DNM3: variants seen among roughly 807,000 people sequenced by gnomAD.
DNM3 encodes the protein dynamin 3, also known as dynamin-3.
In DNM3, 47 loss-of-function variants were observed where a neutral mutation model predicts 101.6. The observed-to-expected ratio is 0.46, with a 90% confidence interval of 0.37 to 0.59. The LOEUF (loss-of-function observed/expected upper bound fraction) is 0.59. Among genes scored for constraint, DNM3 ranks in the 20% least tolerant of loss-of-function variants. DNM3 has a pLI of 0.00. For missense variants in DNM3, 849 were observed against 1,085.7 expected (o/e 0.78, Z 3.06); for synonymous variants, 385 against 387.9 (o/e 0.99, Z 0.09).
At chr1:171,850,917 A>C (rs746548622) in intron 1 of DNM3, among the ~76,000 whole-genome samples, 7 of 152,174 alleles carry the variant, frequency 4.6e-5, no homozygotes, top group Non-Finnish European at 8.8e-5. Context: ...CGAAGAGAAA[A>C]GACTGGTAAG....
downstream of DNM3, among the ~76,000 whole-genome samples, chr1:172,413,648 C>T (rs1451021805): frequency 6.6e-6 from 1 of 152,178 alleles, no homozygotes; most frequent in East Asian, 1.9e-4. Flanking sequence ...GATGACAAGT[C>T]CCTTATCAAT....
chr1:172,227,297 T>TATATATATATATATATAC (rs1189178322), intron 14 of DNM3, among the ~76,000 whole-genome samples: 1 of 123,532 alleles, frequency 8.1e-6, no homozygotes, highest in Non-Finnish European at 1.8e-5. Flanking sequence ...TATATATATA[T>TATATATATATATATATAC]ATATATATCA....
intron 4 of DNM3, among the ~76,000 whole-genome samples, chr1:172,007,536 C>T (rs556382876): frequency 6.6e-6 from 1 of 152,044 alleles, no homozygotes; most frequent in African/African-American, 2.4e-5. Flanking sequence ...TGATACAAAT[C>T]TTTCATTATA....
rs557403919 is a variant in DNM3 at position 172,148,751 on chromosome 1, T to C, written c.1659+17463T>C. 2.0e-5 allele frequency among the ~76,000 whole-genome samples: 3 copies of C among 152,266 alleles called. No individual in the cohort carries two copies. The East Asian group carries it at 5.8e-4, about 29-fold the overall frequency. ...ATTAGAGAAGATAGCCCCACTTAGT[T>C]TGGCTTTATGTTGTGTAGATTAGCA... is the stretch of plus-strand genomic sequence containing the variant. On this transcript the variant is annotated intron_variant, in intron 14 of 20. Transcript: ENST00000627582.
rs2058342850 is a variant in DNM3 at position 172,156,448 on chromosome 1, A to G, written c.1659+25160A>G. Among the ~76,000 whole-genome samples, 4 of 152,186 alleles carry G rather than the reference A, an allele frequency of 2.6e-5. No individual in the cohort carries two copies. The South Asian group carries it at 8.3e-4, about 32-fold the overall frequency. Reference sequence around the variant, plus strand: ...GTAATCTTCTTAGTTTTGAGTACCTAGACTTAGTATAGATTTATTTCATGT... The same window carrying G: ...GTAATCTTCTTAGTTTTGAGTACCTGGACTTAGTATAGATTTATTTCATGT... On this transcript the variant is annotated intron_variant, in intron 14 of 20. Transcript: ENST00000627582.
At chr1:172,125,478 A>T (rs1209337599) in intron 13 of DNM3, among the ~76,000 whole-genome samples, 1 of 152,166 alleles carries the variant, frequency 6.6e-6, no homozygotes, top group Non-Finnish European at 1.5e-5. Context: ...TTCTCATAGC[A>T]TGGAGGAAAC....
At chr1:172,282,859 G>A (rs1374256526) in intron 15 of DNM3, among the ~76,000 whole-genome samples, 1 of 152,214 alleles carries the variant, frequency 6.6e-6, no homozygotes. Flanking sequence ...GAAAAGTACA[G>A]TCCTTCAGTT....
intron 4 of DNM3, among the ~76,000 whole-genome samples, chr1:172,013,339 A>G (rs1278126521): frequency 6.6e-6 from 1 of 152,128 alleles, no homozygotes. Context: ...GAATGGTATC[A>G]TATATCTTCT....
intron 14 of DNM3, among the ~76,000 whole-genome samples, chr1:172,224,555 C>T (rs2148578950): frequency 6.6e-6 from 1 of 152,100 alleles, no homozygotes; most frequent in South Asian, 2.1e-4. Flanking sequence ...ATCAACTTGC[C>T]ACATGTTAGC....
At chr1:172,119,717 A>G (rs2056178127) in intron 13 of DNM3, among the ~76,000 whole-genome samples, 1 of 152,286 alleles carries the variant, frequency 6.6e-6, no homozygotes, top group African/African-American at 2.4e-5. Flanking sequence ...ACATGTTCAC[A>G]TCTTGACATG....
intron 11 of DNM3, among the ~76,000 whole-genome samples, chr1:172,080,592 A>G (rs2053059108): frequency 6.6e-6 from 1 of 152,136 alleles, no homozygotes; most frequent in Non-Finnish European, 1.5e-5. Flanking sequence ...GACCTAGACC[A>G]CTTGGCTCCC....
intron 14 of DNM3, among the ~76,000 whole-genome samples, chr1:172,185,374 G>A (rs1247987073): frequency 6.6e-6 from 1 of 152,082 alleles, no homozygotes; most frequent in Non-Finnish European, 1.5e-5. Context: ...CAAGACAAAG[G>A]GAAGTGAAAC....
intron 14 of DNM3, among the ~76,000 whole-genome samples, chr1:172,240,042 T>A (rs1220475463): frequency 6.6e-6 from 1 of 152,026 alleles, no homozygotes; most frequent in Non-Finnish European, 1.5e-5. Flanking sequence ...CCCTTTTCCC[T>A]ATTCTATCCC....
chr1:171,873,643 C>T (rs1387254714), intron 1 of DNM3, among the ~76,000 whole-genome samples: 1 of 152,106 alleles, frequency 6.6e-6, no homozygotes, highest in Non-Finnish European at 1.5e-5. Flanking sequence ...TGTCTCATCT[C>T]CTCAGTCAAG....
At chr1:172,207,330 G>A (rs938199355) in intron 14 of DNM3, among the ~76,000 whole-genome samples, 3 of 152,058 alleles carry the variant, frequency 2.0e-5, no homozygotes, top group Non-Finnish European at 4.4e-5. Flanking sequence ...GTATTCTTTA[G>A]TCCAAACCTT....
At position 172,167,332 on chromosome 1, in the gene DNM3, G is replaced by T. The variant is rs553289704; in HGVS notation, c.1659+36044G>T. Among the ~76,000 whole-genome samples, 141 of 152,092 alleles carry T rather than the reference G, an allele frequency of 9.3e-4. 1 individual carries two copies. The highest frequency in any genetic ancestry group is 3.2e-3 in the African/African-American group (134 of 41,502). ...TCCAGTCTATCATTGTTGGACATTT[G>T]GGTTGGTTCCAAGTCTTTGCTATTG... is the stretch of plus-strand genomic sequence containing the variant. On this transcript the variant is annotated intron_variant, in intron 14 of 20. Transcript: ENST00000627582.
intron 2 of DNM3, among the ~76,000 whole-genome samples, chr1:171,975,986 C>T (rs2044340356): frequency 6.6e-6 from 1 of 151,670 alleles, no homozygotes; most frequent in Non-Finnish European, 1.5e-5. Context: ...AAAATGAGGG[C>T]TTATAAAGTT....
At chr1:172,385,522 G>C (rs1200065415) in intron 18 of DNM3, among the ~76,000 whole-genome samples, 1 of 152,118 alleles carries the variant, frequency 6.6e-6, no homozygotes, top group Non-Finnish European at 1.5e-5. Flanking sequence ...TTTCACCTTT[G>C]AATCACTCTT....
intron 4 of DNM3, among the ~76,000 whole-genome samples, chr1:172,016,575 C>G (rs1267613645): frequency 1.3e-5 from 2 of 152,064 alleles, no homozygotes; most frequent in African/African-American, 2.4e-5. Context: ...CTTTGAATGT[C>G]TTTATATGGT....
Sources: gnomAD v4.1 joint callset for allele counts (sites outside exome capture counted in the v4.1 genomes callset) on GRCh38, gnomAD v4.1.1 for gene constraint, MANE v1.5 for transcripts, NCBI Gene and HGNC (gene_info 2026-07-23, HGNC 2026-07-21) for gene names.